Variants in COLEC12 observed in about 807,000 individuals in gnomAD.
COLEC12 encodes collectin-12.
In COLEC12, 33 loss-of-function variants were observed where a neutral mutation model predicts 71.1. The ratio of observed to expected loss-of-function variants is 0.46; its 90% CI spans 0.35 to 0.62. The LOEUF (loss-of-function observed/expected upper bound fraction) is 0.62, where lower values mean the gene tolerates loss of function less well. Among genes scored for constraint, COLEC12 ranks in the 20% least tolerant of loss-of-function variants. COLEC12 has a pLI of 0.00. For missense variants in COLEC12, 765 were observed against 916.1 expected (o/e 0.84, Z 2.13); for synonymous variants, 350 against 353.0 (o/e 0.99, Z 0.10).
intron 2 of COLEC12, among the ~76,000 whole-genome samples, chr18:463,451 C>CCA (rs145789187): frequency 8.6e-5 from 13 of 152,002 alleles, no homozygotes; most frequent in African/African-American, 1.9e-4. Context: ...AAGTAATAAA[C>CCA]CACACACACA....
At chr18:336,472 T>C (rs1237290170) in intron 5 of COLEC12, among the ~76,000 whole-genome samples, 3 of 152,252 alleles carry the variant, frequency 2.0e-5, no homozygotes, top group Non-Finnish European at 4.4e-5. Context: ...GGATTGTTTT[T>C]CTTTCTTTAA....
chr18:350,931 G>A (rs12458583), intron 3 of COLEC12, among the ~76,000 whole-genome samples: 9,626 of 145,652 alleles, frequency 0.066, 337 homozygotes, highest in South Asian at 0.13. Flanking sequence ...TTGCACTCCA[G>A]CCTGGGCAAC....
intron 8 of COLEC12, among the ~76,000 whole-genome samples, chr18:326,634 C>T (rs946943496): frequency 1.3e-5 from 2 of 152,220 alleles, no homozygotes; most frequent in African/African-American, 4.8e-5. Flanking sequence ...CAGGCGTGAG[C>T]CACCATGCCT....
chr18:320,089 C>A (rs778009954), intron 9 of COLEC12, 25 bp from the exon 10 acceptor site: 3 of 1,423,136 alleles, frequency 2.1e-6, no homozygotes, highest in Admixed American at 2.0e-5. Flanking sequence ...TAAGAATGGG[C>A]ATTAGTTTTT....
chr18:475,205 C>T (rs542566529), intron 2 of COLEC12, among the ~76,000 whole-genome samples: 2 of 152,250 alleles, frequency 1.3e-5, no homozygotes, highest in South Asian at 2.1e-4. Flanking sequence ...CCAGGAGCAC[C>T]GAGTTCCACT....
intron 8 of COLEC12, among the ~76,000 whole-genome samples, chr18:331,181 G>A (rs917541026): frequency 1.3e-5 from 2 of 152,116 alleles, no homozygotes; most frequent in Non-Finnish European, 2.9e-5. Context: ...GAGCCACTGT[G>A]CCCAGCCAGG....
At chr18:437,779 C>T (rs1916435992) in intron 2 of COLEC12, among the ~76,000 whole-genome samples, 1 of 152,190 alleles carries the variant, frequency 6.6e-6, no homozygotes, top group Non-Finnish European at 1.5e-5. Flanking sequence ...GAGCCTCTCC[C>T]AGGTGCCACT....
chr18:427,951 C>T (rs1418854028), intron 2 of COLEC12, among the ~76,000 whole-genome samples: 3 of 152,066 alleles, frequency 2.0e-5, no homozygotes, highest in Non-Finnish European at 4.4e-5. Flanking sequence ...GTTATTTGCT[C>T]CCAGGGAAGT....
rs946042222 is a variant in COLEC12 at position 408,124 on chromosome 18, T to C, written c.59-50602A>G. 4.6e-5 allele frequency among the ~76,000 whole-genome samples: 7 copies of C among 152,200 alleles called. No individual in the cohort carries two copies. The highest frequency in any genetic ancestry group is 1.7e-4 in the African/African-American group (7 of 41,444). ...AATGCAAGAGGTTAAGTCAATTTCT[T>C]TGGTTTTCAGCATGGTGTGAGGACA... is the stretch of plus-strand genomic sequence containing the variant. On this transcript the variant is annotated intron_variant, in intron 2 of 9. Transcript: ENST00000400256. The surrounding 1 kb of genome is among the most constrained non-coding windows in gnomAD (Gnocchi z 4.3).
At chr18:427,089 T>C (rs1286331431) in intron 2 of COLEC12, among the ~76,000 whole-genome samples, 1 of 152,190 alleles carries the variant, frequency 6.6e-6, no homozygotes, top group African/African-American at 2.4e-5. Context: ...TGATAGGCAA[T>C]TTGGGTGTAC....
At chr18:323,088 G>C (rs1370993943) in intron 8 of COLEC12, among the ~76,000 whole-genome samples, 1 of 152,192 alleles carries the variant, frequency 6.6e-6, no homozygotes, top group African/African-American at 2.4e-5. Context: ...AGCTGGGCAT[G>C]GTGGCAGGCA....
chr18:463,662 C>T (rs114652513), intron 2 of COLEC12, among the ~76,000 whole-genome samples: 17 of 152,086 alleles, frequency 1.1e-4, no homozygotes, highest in Non-Finnish European at 1.8e-4. Flanking sequence ...TCAGAGCCAG[C>T]GACATCTCGG....
intron 2 of COLEC12, among the ~76,000 whole-genome samples, chr18:475,060 G>A (rs1440209169): frequency 6.7e-6 from 1 of 149,582 alleles, no homozygotes; most frequent in African/African-American, 2.5e-5. Context: ...GGCGACAAGA[G>A]CTAAACTCCG....
At chr18:465,854 C>T (rs1190107035) in intron 2 of COLEC12, among the ~76,000 whole-genome samples, 1 of 152,130 alleles carries the variant, frequency 6.6e-6, no homozygotes, top group African/African-American at 2.4e-5. Context: ...AGGTGGATCA[C>T]TTGAGGTCAG....
intron 2 of COLEC12, among the ~76,000 whole-genome samples, chr18:462,060 T>C (rs1444606370): frequency 1.3e-5 from 2 of 152,234 alleles, no homozygotes; most frequent in Non-Finnish European, 2.9e-5. Context: ...CTGGTCTTTT[T>C]CCCTTTTTTG....
At chr18:442,940 G>A (rs187078029) in intron 2 of COLEC12, among the ~76,000 whole-genome samples, 167 of 152,276 alleles carry the variant, frequency 1.1e-3, no homozygotes, top group African/African-American at 3.6e-3. Flanking sequence ...CAGCCTGGGC[G>A]ACAGAGCGAG....
At chr18:437,657 T>C (rs1458028665) in intron 2 of COLEC12, among the ~76,000 whole-genome samples, 3 of 152,196 alleles carry the variant, frequency 2.0e-5, no homozygotes, top group Non-Finnish European at 4.4e-5. Context: ...TTTATTCTGA[T>C]TTGGATAAGT....
intron 2 of COLEC12, among the ~76,000 whole-genome samples, chr18:455,798 T>G (rs1191251269): frequency 2.6e-5 from 4 of 152,204 alleles, no homozygotes; most frequent in Non-Finnish European, 5.9e-5. Flanking sequence ...GCTTCCAGCT[T>G]CGTCCATGTC....
intron 2 of COLEC12, among the ~76,000 whole-genome samples, chr18:410,955 T>G (rs1361097696): frequency 6.6e-6 from 1 of 152,114 alleles, no homozygotes; most frequent in Non-Finnish European, 1.5e-5. Context: ...TCCTCACCTG[T>G]TGGGCTGTAC....
Sources: gnomAD v4.1 joint callset for allele counts (sites outside exome capture counted in the v4.1 genomes callset) on GRCh38, gnomAD v4.1.1 for gene constraint, Gnocchi (gnomAD v3.1) non-coding constraint, MANE v1.5 for transcripts, NCBI Gene and HGNC (gene_info 2026-07-23, HGNC 2026-07-21) for gene names.